The following ELF2 variants were observed in gnomAD, a reference collection of about 807,000 sequenced individuals.
The protein encoded by ELF2 is ETS-related transcription factor Elf-2.
In ELF2, 11 loss-of-function variants were observed where a neutral mutation model predicts 54.8. The observed-to-expected ratio is 0.20, with a 90% CI of 0.13 to 0.33. The LOEUF is 0.33. Ranked by LOEUF, ELF2 falls within the 10% of genes least tolerant of loss-of-function variation. ELF2 has a pLI of 1.00. For synonymous variants in ELF2, 203 were observed against 245.1 expected (o/e 0.83, Z 1.61); for missense variants, 513 against 703.0 (o/e 0.73, Z 3.06).
At chr4:139,071,391 C>T (rs1729490481) in intron 6 of ELF2, among the ~76,000 whole-genome samples, 3 of 151,756 alleles carry the variant, frequency 2.0e-5, no homozygotes, top group Non-Finnish European at 2.9e-5. Context: ...CAAACTCCTG[C>T]GCTCACGAAA....
chr4:139,094,618 C>G (rs553991787), intron 4 of ELF2, among the ~76,000 whole-genome samples: 1 of 152,146 alleles, frequency 6.6e-6, no homozygotes, highest in East Asian at 1.9e-4. Flanking sequence ...ATACATAACA[C>G]CATTTATATA....
At chr4:139,072,489 A>G (rs1729654686) in intron 5 of ELF2, among the ~76,000 whole-genome samples, 1 of 152,242 alleles carries the variant, frequency 6.6e-6, no homozygotes, top group South Asian at 2.1e-4. Context: ...ATATGTACTC[A>G]GTAAAACATA....
chr4:139,176,935 C>T (rs961057548), intron 1 of ELF2, 32 bp downstream of exon 1: 10 of 152,250 alleles, frequency 6.6e-5, no homozygotes, highest in African/African-American at 9.7e-5. Flanking sequence ...TTCGCGCTCC[C>T]TCTCACCAGC....
chr4:139,169,328 A>C (rs2148914072), intron 1 of ELF2, among the ~76,000 whole-genome samples: 1 of 149,282 alleles, frequency 6.7e-6, no homozygotes, highest in East Asian at 2.0e-4. Flanking sequence ...AACCTGGGCT[A>C]CAGAGCGGGA....
chr4:139,170,716 CATTAT>C (rs56747979), intron 1 of ELF2, among the ~76,000 whole-genome samples: 54 of 142,722 alleles, frequency 3.8e-4, no homozygotes, highest in Admixed American at 5.6e-4. Flanking sequence ...TATTACATTA[CATTAT>C]ATTATATTAT....
chr4:139,122,985 C>T (rs1736535644), intron 4 of ELF2, among the ~76,000 whole-genome samples: 1 of 151,738 alleles, frequency 6.6e-6, no homozygotes, highest in South Asian at 2.1e-4. Context: ...GAAATCGAGA[C>T]CATCCTGGCC....
At chr4:139,094,824 T>A (rs1490635787) in intron 4 of ELF2, among the ~76,000 whole-genome samples, 1 of 152,200 alleles carries the variant, frequency 6.6e-6, no homozygotes, top group Non-Finnish European at 1.5e-5. Flanking sequence ...TATTTATTTA[T>A]CTTTATATAT....
chr4:139,104,858 G>A (rs1274117885), intron 4 of ELF2, among the ~76,000 whole-genome samples: 15 of 152,134 alleles, frequency 9.9e-5, no homozygotes, highest in Non-Finnish European at 1.5e-5. Context: ...AATGTAATCT[G>A]GAACATTTGA....
At chr4:139,135,766 C>G (rs547983759) in intron 3 of ELF2, among the ~76,000 whole-genome samples, 3 of 152,178 alleles carry the variant, frequency 2.0e-5, no homozygotes, top group Non-Finnish European at 4.4e-5. Context: ...ATATAGTCTT[C>G]TTCTGACTTC....
chr4:139,103,606 C>T (rs1007457322), intron 4 of ELF2, among the ~76,000 whole-genome samples: 37 of 152,228 alleles, frequency 2.4e-4, no homozygotes. Flanking sequence ...CAATACTTCA[C>T]GCCCTATGCA....
intron 3 of ELF2, among the ~76,000 whole-genome samples, chr4:139,128,391 TAAC>T (rs1325183308): frequency 6.6e-6 from 1 of 152,214 alleles, no homozygotes; most frequent in African/African-American, 2.4e-5. Flanking sequence ...AACTGAACTT[TAAC>T]TGATCGATCG....
chr4:139,077,637 C>T (rs528271997), intron 4 of ELF2, among the ~76,000 whole-genome samples: 2 of 150,608 alleles, frequency 1.3e-5, no homozygotes, highest in African/African-American at 4.8e-5. Flanking sequence ...AATATTTCTC[C>T]TACTTGTGTC....
Position 139,081,319 on chromosome 4 carries a change from TA to T in ELF2, c.239-7753del, listed in dbSNP as rs541546418. On this transcript the variant is annotated intron_variant, in intron 4 of 9. Coordinates refer to ENST00000686138, the MANE Select transcript of ELF2 (RefSeq NM_001331036.3). ...GCTAAAGGAATGCACATGTGATACT[TA>T]ACACCTCAAAAGGAAGAAAAGCAAA... Among the ~76,000 whole-genome samples, 5 of 152,270 alleles carry T rather than the reference TA, an allele frequency of 3.3e-5. No individual in the cohort carries two copies. The South Asian group carries it at 1.0e-3, about 32-fold the overall frequency.
chr4:139,063,008 C>G (rs1372089625), intron 7 of ELF2, among the ~76,000 whole-genome samples: 1 of 152,186 alleles, frequency 6.6e-6, no homozygotes, highest in Non-Finnish European at 1.5e-5. Flanking sequence ...GTAATCCCAG[C>G]ACTTTGGGAG....
chr4:139,147,044 A>G (rs1238153006), intron 1 of ELF2, among the ~76,000 whole-genome samples: 1 of 152,218 alleles, frequency 6.6e-6, no homozygotes, highest in Non-Finnish European at 1.5e-5. Context: ...AATTAAACTA[A>G]AAGGCTTCTG....
At chr4:139,170,334 G>A (rs1199978085) in intron 1 of ELF2, among the ~76,000 whole-genome samples, 2 of 136,592 alleles carry the variant, frequency 1.5e-5, no homozygotes, top group African/African-American at 2.8e-5. Flanking sequence ...GTGCGATCTC[G>A]GCTCACTGCA....
chr4:139,082,306 A>G (rs1179420821), intron 4 of ELF2, among the ~76,000 whole-genome samples: 1 of 152,212 alleles, frequency 6.6e-6, no homozygotes, highest in Non-Finnish European at 1.5e-5. Flanking sequence ...GTTAGTACCA[A>G]TAATATAAAG....
At chr4:139,081,800 C>G (rs1173543694) in intron 4 of ELF2, among the ~76,000 whole-genome samples, 31 of 152,158 alleles carry the variant, frequency 2.0e-4, no homozygotes, top group Admixed American at 2.0e-3. Flanking sequence ...AAAGAGCAAA[C>G]CTCTCTCAAG....
At chr4:139,151,028 AAAAAAAAGAAAG>A (rs1474934947) in intron 1 of ELF2, among the ~76,000 whole-genome samples, 26 of 105,312 alleles carry the variant, frequency 2.5e-4, no homozygotes, top group African/African-American at 1.2e-3. Context: ...CATCTCAAAA[AAAAAAAAGAAAG>A]AAAGAAAGAA....
Sources: allele counts gnomAD v4.1 joint callset (sites outside exome capture counted in the v4.1 genomes callset), GRCh38; gene constraint gnomAD v4.1.1; transcripts MANE v1.5; gene names NCBI Gene and HGNC (gene_info 2026-07-23, HGNC 2026-07-21).